ANGPT1: variants seen among roughly 807,000 people sequenced by gnomAD.
The protein encoded by ANGPT1 is angiopoietin-1.
A neutral mutation model predicts 62.2 loss-of-function variants in ANGPT1; 17 were observed. The ratio of observed to expected loss-of-function variants is 0.27; its 90% confidence interval spans 0.19 to 0.41. The LOEUF is 0.41. ANGPT1 is among the 10% of genes least tolerant of loss of function. The pLI, the probability that ANGPT1 is intolerant of heterozygous loss-of-function variation, is 1.00. For synonymous variants in ANGPT1, 199 were observed against 198.9 expected, an observed-to-expected ratio of 1.00 and a Z score of 0.00; for missense variants, 478 against 594.9, an observed-to-expected ratio of 0.80 and a Z score of 2.04.
intron 3 of ANGPT1, among the ~76,000 whole-genome samples, 164 bp downstream of exon 3, chr8:107,335,986 C>A (rs1262624511): frequency 6.6e-6 from 1 of 152,104 alleles, no homozygotes; most frequent in African/African-American, 2.4e-5. Context: ...GACATACTAG[C>A]TGAATTTACC....
chr8:107,434,341 G>C lies in ANGPT1; in HGVS notation c.297+62921C>G, dbSNP rs141545455. Among the ~76,000 whole-genome samples, 23 of 152,274 alleles carry C rather than the reference G, an allele frequency of 1.5e-4. 2 individuals are homozygous for C. The East Asian group carries it at 4.4e-3, about 29-fold the overall frequency. On this transcript the variant is annotated intron_variant, in intron 1 of 8. Transcript: ENST00000517746. Reference sequence around the variant, plus strand: ...AGGAGTCTGGACTCAATGCATGCTAGGGATTTTGGACATCATTGCGTGGAC... The same window carrying C: ...AGGAGTCTGGACTCAATGCATGCTACGGATTTTGGACATCATTGCGTGGAC...
chr8:107,318,169 A>G (rs1815064981), intron 4 of ANGPT1, among the ~76,000 whole-genome samples: 1 of 152,220 alleles, frequency 6.6e-6, no homozygotes, highest in Non-Finnish European at 1.5e-5. Context: ...ATGTTTGCAG[A>G]TGAAGGTTAG....
intron 1 of ANGPT1, among the ~76,000 whole-genome samples, chr8:107,408,947 A>T (rs1182543783): frequency 6.6e-6 from 1 of 152,236 alleles, no homozygotes; most frequent in African/African-American, 2.4e-5. Flanking sequence ...CAGAATAATA[A>T]ATTATACTCC....
chr8:107,363,399 C>G (rs1297960241), intron 1 of ANGPT1, among the ~76,000 whole-genome samples: 2 of 152,156 alleles, frequency 1.3e-5, no homozygotes, highest in Non-Finnish European at 2.9e-5. Context: ...AGACAATGAA[C>G]AGCTAATACT....
At chr8:107,268,306 T>C (rs761671191) in intron 7 of ANGPT1, among the ~76,000 whole-genome samples, 23 of 152,110 alleles carry the variant, frequency 1.5e-4, no homozygotes, top group Non-Finnish European at 3.2e-4. Context: ...TTCAGAAGTA[T>C]AGCTTTTACA....
chr8:107,316,950 C>T (rs946635174), intron 4 of ANGPT1, among the ~76,000 whole-genome samples: 2 of 152,150 alleles, frequency 1.3e-5, no homozygotes, highest in African/African-American at 4.8e-5. Context: ...TTATGCTAGA[C>T]ATGGTAACTC....
At chr8:107,393,827 A>G (rs1272488836) in intron 1 of ANGPT1, among the ~76,000 whole-genome samples, 2 of 152,148 alleles carry the variant, frequency 1.3e-5, no homozygotes, top group African/African-American at 4.8e-5. Context: ...ACAAACAAAC[A>G]AACAAAAAAA....
chr8:107,259,083 T>C (rs1813434596), intron 8 of ANGPT1, among the ~76,000 whole-genome samples: 1 of 152,202 alleles, frequency 6.6e-6, no homozygotes, highest in Non-Finnish European at 1.5e-5. Flanking sequence ...TTTTATGTAC[T>C]AAATATAGAA....
chr8:107,483,650 C>G (rs1688616297), intron 1 of ANGPT1, among the ~76,000 whole-genome samples: 1 of 151,932 alleles, frequency 6.6e-6, no homozygotes, highest in African/African-American at 2.4e-5. Context: ...ACAAATAGTA[C>G]CCAATTTATT....
chr8:107,255,750 A>G (rs757984609), intron 8 of ANGPT1, among the ~76,000 whole-genome samples: 12 of 151,982 alleles, frequency 7.9e-5, no homozygotes, highest in Admixed American at 2.6e-4. Flanking sequence ...CAGCACAGTT[A>G]TAAGAATCAA....
intron 6 of ANGPT1, among the ~76,000 whole-genome samples, chr8:107,292,279 C>T (rs1814297990): frequency 2.6e-5 from 4 of 152,080 alleles, no homozygotes; most frequent in Admixed American, 2.6e-4. Context: ...GCTTATAACC[C>T]CTAGGATAAG....
At chr8:107,441,615 C>T (rs1243814402) in intron 1 of ANGPT1, among the ~76,000 whole-genome samples, 1 of 152,090 alleles carries the variant, frequency 6.6e-6, no homozygotes, top group Non-Finnish European at 1.5e-5. Context: ...GTTGTTTAAT[C>T]CTAAACAATT....
chr8:107,364,525 C>A (rs1397281597), intron 1 of ANGPT1, among the ~76,000 whole-genome samples: 1 of 152,294 alleles, frequency 6.6e-6, no homozygotes, highest in Middle Eastern at 3.4e-3. Context: ...AAGCCAGCCA[C>A]CTGCCTTGGC....
At chr8:107,384,763 C>T (rs537973195) in intron 1 of ANGPT1, among the ~76,000 whole-genome samples, 2 of 152,120 alleles carry the variant, frequency 1.3e-5, no homozygotes, top group African/African-American at 4.8e-5. Context: ...TTAAGTTTTA[C>T]AGTTAAATCC....
intron 1 of ANGPT1, among the ~76,000 whole-genome samples, chr8:107,405,363 G>A (rs1283685): frequency 0.82 from 125,104 of 151,714 alleles, 51,709 homozygotes; most frequent in East Asian, 0.91. Flanking sequence ...TTTTTATATT[G>A]CAAGTTGAAC....
chr8:107,411,843 T>C (rs1810592371), intron 1 of ANGPT1, among the ~76,000 whole-genome samples: 1 of 152,134 alleles, frequency 6.6e-6, no homozygotes, highest in African/African-American at 2.4e-5. Flanking sequence ...CTTTCTCTCT[T>C]TCTTCTATAA....
At chr8:107,273,630 T>A (rs1813791201) in intron 7 of ANGPT1, among the ~76,000 whole-genome samples, 1 of 151,966 alleles carries the variant, frequency 6.6e-6, no homozygotes, top group South Asian at 2.1e-4. Flanking sequence ...GGATCTCAAG[T>A]CCTTCCTCCT....
intron 7 of ANGPT1, among the ~76,000 whole-genome samples, chr8:107,270,969 A>C (rs1032773996): frequency 6.6e-6 from 1 of 151,946 alleles, no homozygotes; most frequent in Non-Finnish European, 1.5e-5. Context: ...CATTTTAAAA[A>C]TATACAGATC....
rs1053803855 is a variant in ANGPT1 at position 107,277,703 on chromosome 8, T to C, written c.1205+6979A>G. On this transcript the variant is annotated intron_variant, in intron 7 of 8. Transcript: ENST00000517746. ...GTGATAGAATGGGAAATAGACAATA[T>C]CATTTATTTAGTATTCTTCTCAAGA... 4.6e-5 allele frequency among the ~76,000 whole-genome samples: 7 copies of C among 152,202 alleles called. No homozygotes were observed. In the East Asian group the frequency reaches 1.3e-3, roughly 29 times the overall value.
Sources: allele counts gnomAD v4.1 joint callset (sites outside exome capture counted in the v4.1 genomes callset), GRCh38; gene constraint gnomAD v4.1.1; transcripts MANE v1.5; gene names NCBI Gene and HGNC (gene_info 2026-07-23, HGNC 2026-07-21).